FAM163A: variants seen among roughly 807,000 people sequenced by gnomAD.
FAM163A encodes family with sequence similarity 163 member A, also known as protein FAM163A.
In FAM163A, 7 loss-of-function variants were observed where a neutral mutation model predicts 12.0. The ratio of observed to expected loss-of-function variants is 0.58; its 90% CI spans 0.33 to 1.10. The LOEUF is 1.10. Ranked by LOEUF, FAM163A falls within the 50% of genes least tolerant of loss-of-function variation. The pLI is 0.03. For synonymous variants in FAM163A, 101 were observed against 91.0 expected, an observed-to-expected ratio of 1.11 and a Z score of -0.62; for missense variants, 202 against 218.6, an observed-to-expected ratio of 0.92 and a Z score of 0.48.
At chr1:179,797,781 C>A (rs2148292398) in intron 1 of FAM163A, among the ~76,000 whole-genome samples, 1 of 152,158 alleles carries the variant, frequency 6.6e-6, no homozygotes, top group Admixed American at 6.5e-5. Context: ...AATACTGATT[C>A]TAATAGTCAA....
chr1:179,801,403 G>A (rs887682897), intron 1 of FAM163A, among the ~76,000 whole-genome samples: 17 of 152,086 alleles, frequency 1.1e-4, no homozygotes, highest in Non-Finnish European at 1.2e-4. Context: ...CCTCAGCACA[G>A]CCAGACTCAC....
intron 1 of FAM163A, among the ~76,000 whole-genome samples, chr1:179,752,940 A>C (rs1294460175): frequency 1.3e-5 from 2 of 152,218 alleles, no homozygotes; most frequent in African/African-American, 4.8e-5. Flanking sequence ...CAATCTCACT[A>C]CTGGGTATTT....
At chr1:179,758,322 G>A (rs1315844827) in intron 1 of FAM163A, among the ~76,000 whole-genome samples, 1 of 152,120 alleles carries the variant, frequency 6.6e-6, no homozygotes, top group African/African-American at 2.4e-5. Flanking sequence ...AGGTCATATG[G>A]GGTAAAGTAA....
At chr1:179,772,243 G>A (rs1053833290) in intron 1 of FAM163A, among the ~76,000 whole-genome samples, 2 of 152,120 alleles carry the variant, frequency 1.3e-5, no homozygotes, top group African/African-American at 4.8e-5. Flanking sequence ...TCACACATCT[G>A]GTCAGCCCAG....
At chr1:179,790,744 C>T (rs981564937) in intron 1 of FAM163A, among the ~76,000 whole-genome samples, 2 of 151,374 alleles carry the variant, frequency 1.3e-5, no homozygotes, top group Admixed American at 6.6e-5. Context: ...ACAAAAGGTC[C>T]ACTGTCAAGG....
chr1:179,805,162 C>T (rs1253389488), intron 1 of FAM163A, among the ~76,000 whole-genome samples: 1 of 152,170 alleles, frequency 6.6e-6, no homozygotes, highest in African/African-American at 2.4e-5. Flanking sequence ...GCTTTTTCAT[C>T]CAGTCTTCGG....
chr1:179,793,271 T>C (rs1691783706), intron 1 of FAM163A, among the ~76,000 whole-genome samples: 1 of 152,154 alleles, frequency 6.6e-6, no homozygotes, highest in Non-Finnish European at 1.5e-5. Context: ...TGGCAGGCCA[T>C]ACTCATATGT....
chr1:179,733,184 T>A, the FAM163A span, among the ~76,000 whole-genome samples: 1 of 152,176 alleles, frequency 6.6e-6, no homozygotes, highest in African/African-American at 2.4e-5. Context: ...ACAACCTTAA[T>A]ACATAGGGAG....
chr1:179,761,784 G>C (rs562968057), intron 1 of FAM163A, among the ~76,000 whole-genome samples: 20 of 152,220 alleles, frequency 1.3e-4, no homozygotes, highest in African/African-American at 4.8e-4. Flanking sequence ...CAGCAAACTG[G>C]ATTTTTGGGT....
upstream of FAM163A, among the ~76,000 whole-genome samples, chr1:179,738,763 A>C (rs989864952): frequency 1.3e-5 from 2 of 152,216 alleles, no homozygotes; most frequent in Non-Finnish European, 2.9e-5. Context: ...TTTCTCCCTA[A>C]TTTATATCAA....
At chr1:179,761,603 A>G (rs1297923888) in intron 1 of FAM163A, among the ~76,000 whole-genome samples, 2 of 152,204 alleles carry the variant, frequency 1.3e-5, no homozygotes, top group East Asian at 3.8e-4. Context: ...TTCCCAGCTG[A>G]CTTTGATACA....
chr1:179,807,793 G>A lies in FAM163A; in HGVS notation c.-135-5G>A, dbSNP rs560767937. On this transcript the variant is annotated splice_region_variant and splice_polypyrimidine_tract_variant and intron_variant, in intron 1 of 4. Coordinates refer to ENST00000341785, the MANE Select transcript of FAM163A (RefSeq NM_173509.3). ...TCATGAGCCTTTCCTTCTCTTCTCT[G>A]GCAGGGACTGATGCCCTTGGCCAGA... The A allele has an allele frequency of 1.3e-5, 2 of 152,360 alleles. No individual in the cohort carries two copies. Among genetic ancestry groups the A allele is most frequent in the African/African-American group, 4.8e-5 (2 of 41,480 alleles). The allele number at this position is 152,360 out of a possible 1,614,324, so 9.4% of individuals were successfully genotyped here.
chr1:179,781,229 G>T (rs1425722572), intron 1 of FAM163A, among the ~76,000 whole-genome samples: 1 of 152,142 alleles, frequency 6.6e-6, no homozygotes, highest in African/African-American at 2.4e-5. Flanking sequence ...TGATAGTGGT[G>T]ATGGTTCAAC....
intron 1 of FAM163A, among the ~76,000 whole-genome samples, chr1:179,791,059 C>T (rs1691417699): frequency 6.6e-6 from 1 of 152,140 alleles, no homozygotes; most frequent in South Asian, 2.1e-4. Flanking sequence ...AGCAAAGCTC[C>T]CCTGAAGCCC....
At chr1:179,736,951 T>C in the FAM163A span, among the ~76,000 whole-genome samples, 1 of 152,190 alleles carries the variant, frequency 6.6e-6, no homozygotes, top group Admixed American at 6.5e-5. Flanking sequence ...TTTCCTCAAA[T>C]TTTAAATTTT....
chr1:179,744,625 G>GGAAGTTT (rs1184586405), intron 1 of FAM163A, among the ~76,000 whole-genome samples: 1 of 152,218 alleles, frequency 6.6e-6, no homozygotes, highest in African/African-American at 2.4e-5. Flanking sequence ...GTGGGGCCCT[G>GGAAGTTT]GAAGTTTGCT....
chr1:179,796,231 G>T (rs901477770), intron 1 of FAM163A, among the ~76,000 whole-genome samples: 2 of 151,692 alleles, frequency 1.3e-5, no homozygotes, highest in East Asian at 1.9e-4. Context: ...CTAAATTGGC[G>T]TATTTCTATC....
chr1:179,810,643 A>G (rs1694583160), intron 2 of FAM163A, among the ~76,000 whole-genome samples: 2 of 151,906 alleles, frequency 1.3e-5, no homozygotes, highest in African/African-American at 2.4e-5. Flanking sequence ...TAGCTGCCCC[A>G]CTCTAGGTTC....
At chr1:179,747,275 T>C (rs1369815476) in intron 1 of FAM163A, among the ~76,000 whole-genome samples, 1 of 152,206 alleles carries the variant, frequency 6.6e-6, no homozygotes, top group African/African-American at 2.4e-5. Context: ...CAGTGTGTCC[T>C]ACATGCCCCT....
Sources: allele counts gnomAD v4.1 joint callset (sites outside exome capture counted in the v4.1 genomes callset), GRCh38; gene constraint gnomAD v4.1.1; transcripts MANE v1.5; gene names NCBI Gene and HGNC (gene_info 2026-07-23, HGNC 2026-07-21).